The following TGIF1 variants were observed in gnomAD, a reference collection of about 807,000 sequenced individuals.
The protein encoded by TGIF1 is TGFB induced factor homeobox 1.
TGIF1 carries 4 observed loss-of-function variants against 19.3 expected under a neutral mutation model. That is an observed-to-expected ratio of 0.21 (90% CI 0.10 to 0.47). The LOEUF is 0.47. Ranked by LOEUF, TGIF1 falls within the 20% of genes least tolerant of loss-of-function variation. TGIF1 has a pLI of 0.98. For missense variants in TGIF1, 275 were observed against 341.4 expected (o/e 0.81, Z 1.53); for synonymous variants, 122 against 129.3 (o/e 0.94, Z 0.38).
At chr18:3,424,197 A>G (rs962704021) in intron 2 of TGIF1, among the ~76,000 whole-genome samples, 3 of 152,086 alleles carry the variant, frequency 2.0e-5, no homozygotes. Context: ...TGATTATTTT[A>G]TTATAAGTAA....
rs112985832 is a variant in TGIF1 at position 3,442,780 on chromosome 18, G to T, written c.-44-13574G>T. On this transcript the variant is annotated intron_variant, in intron 2 of 3. Transcript: ENST00000401449. ...TAATGTTATGAATAAGCAAGAAGAA[G>T]AAATAAAAATGACTAATACATACAC... 2.6e-3 allele frequency among the ~76,000 whole-genome samples: 401 copies of T among 152,052 alleles called. 4 individuals carry two copies. The highest frequency in any genetic ancestry group is 9.2e-3 in the African/African-American group (382 of 41,496).
At chr18:3,455,383 C>A (rs1223942242) in intron 1 of TGIF1, 1 of 152,028 alleles carries the variant, frequency 6.6e-6, no homozygotes, top group African/African-American at 2.4e-5. Flanking sequence ...TTCTCTATGG[C>A]TTGTGAATTC....
rs1309777320 is a variant in TGIF1 at position 3,451,512 on chromosome 18, CAG to C, written c.16+1009_16+1010del. 6 of 995,216 alleles carry C rather than the reference CAG, an allele frequency of 6.0e-6. No homozygotes were observed. The highest frequency in any genetic ancestry group is 5.2e-5 in the African/African-American group (3 of 57,650). The allele number at this position is 995,216 out of a possible 1,614,324, so 61.6% of individuals were successfully genotyped here. Reference sequence around the variant, plus strand: ...GTGATTTATGTGGAGTGGTTCAAAACAGAAGTTAATCACTCGGGAAGCGGACG... The same window carrying C: ...GTGATTTATGTGGAGTGGTTCAAAACAAGTTAATCACTCGGGAAGCGGACG... On this transcript the variant is annotated intron_variant, in intron 1 of 2. Coordinates refer to ENST00000343820, the MANE Select transcript of TGIF1 (RefSeq NM_003244.4). This position sits in a 1 kb window ranked among gnomAD's most constrained non-coding sequence, Gnocchi z 5.4.
chr18:3,423,740 A>C (rs2082436604), intron 2 of TGIF1, among the ~76,000 whole-genome samples: 2 of 152,024 alleles, frequency 1.3e-5, no homozygotes, highest in South Asian at 4.1e-4. Flanking sequence ...TTGCAATCCC[A>C]GCTACTCGGG....
intron 2 of TGIF1, among the ~76,000 whole-genome samples, chr18:3,428,250 C>T (rs1387460605): frequency 3.3e-5 from 5 of 152,084 alleles, no homozygotes; most frequent in African/African-American, 1.2e-4. Context: ...GAACTTGACC[C>T]TGAGTTCACA....
At position 3,456,647 on chromosome 18, in the gene TGIF1, G is replaced by T; in HGVS notation, c.243+67G>T. 7.1e-7 allele frequency: 1 copy of T among 1,401,086 alleles called. No homozygotes were observed. 86.8% of individuals were successfully genotyped at this position (1,401,086 alleles called of 1,614,324 possible). On this transcript the variant is annotated intron_variant, in intron 2 of 2. Coordinates refer to ENST00000343820, the MANE Select transcript of TGIF1 (RefSeq NM_003244.4). The surrounding 1 kb of genome is among the most constrained non-coding windows in gnomAD (Gnocchi z 4.2). ...TTCAAAGTCATTTTATGGCATTCCT[G>T]TGTGTCAAGTCATTAAGCTCCTTGC... is the stretch of plus-strand genomic sequence containing the variant.
chr18:3,425,869 A>G (rs2143161744), intron 2 of TGIF1, among the ~76,000 whole-genome samples: 1 of 152,268 alleles, frequency 6.6e-6, no homozygotes, highest in African/African-American at 2.4e-5. Context: ...CCCATCAGGC[A>G]GTTACGAGGA....
At chr18:3,446,500 C>A (rs1030291759), upstream of TGIF1, among the ~76,000 whole-genome samples, 1 of 152,044 alleles carries the variant, frequency 6.6e-6, no homozygotes, top group East Asian at 1.9e-4. Context: ...TTCGTTTTAT[C>A]CCCTGGATTC....
upstream of TGIF1, chr18:3,448,415 A>G (rs1037476701): frequency 1.0e-6 from 1 of 997,290 alleles, no homozygotes; most frequent in African/African-American, 1.7e-5. Flanking sequence ...TCTGTCCCGC[A>G]CCGGGCGCAG....
At chr18:3,450,699 G>T (rs1472086264) in intron 1 of TGIF1, among the ~76,000 whole-genome samples, 194 bp downstream of exon 1, 2 of 152,200 alleles carry the variant, frequency 1.3e-5, no homozygotes, top group East Asian at 1.9e-4. Flanking sequence ...AACACGAGGG[G>T]CTGTTGTGGG....
chr18:3,448,335 C>G (rs1175400716), upstream of TGIF1: 1 of 985,298 alleles, frequency 1.0e-6, no homozygotes, highest in African/African-American at 1.7e-5. Flanking sequence ...ACAGACAACC[C>G]TTCAAACGAA....
intron 1 of TGIF1, among the ~76,000 whole-genome samples, chr18:3,417,165 GTT>G (rs1338933325): frequency 1.3e-5 from 2 of 151,914 alleles, no homozygotes; most frequent in African/African-American, 4.8e-5. Flanking sequence ...GTTGTTCGTT[GTT>G]TGTTTGTTTT....
intron 2 of TGIF1, among the ~76,000 whole-genome samples, chr18:3,420,348 A>G (rs546010247): frequency 3.0e-4 from 46 of 152,148 alleles, no homozygotes; most frequent in African/African-American, 1.1e-3. Flanking sequence ...GCGCCACTGC[A>G]CTCCAGCCTG....
At chr18:3,455,024 A>G (rs1259759799) in intron 1 of TGIF1, 1 of 152,226 alleles carries the variant, frequency 6.6e-6, no homozygotes, top group South Asian at 2.1e-4. Flanking sequence ...ATTAAGGTCA[A>G]GTCATATTTT....
At chr18:3,413,575 T>A (rs1373131661) in intron 1 of TGIF1, among the ~76,000 whole-genome samples, 1 of 146,562 alleles carries the variant, frequency 6.8e-6, no homozygotes, top group Non-Finnish European at 1.5e-5. Flanking sequence ...GAGAATTTTA[T>A]AAGGTTTTTT....
chr18:3,425,607 C>A (rs781118175), intron 2 of TGIF1, among the ~76,000 whole-genome samples: 9 of 152,130 alleles, frequency 5.9e-5, no homozygotes, highest in Non-Finnish European at 1.3e-4. Flanking sequence ...TGGTGGGCCC[C>A]ACCCAGAAGC....
At chr18:3,444,038 G>A (rs1175190729) in intron 2 of TGIF1, among the ~76,000 whole-genome samples, 1 of 150,784 alleles carries the variant, frequency 6.6e-6, no homozygotes, top group African/African-American at 2.4e-5. Context: ...GGGTTCAAAC[G>A]ATTCTCCTGC....
intron 1 of TGIF1, among the ~76,000 whole-genome samples, chr18:3,413,902 A>G (rs1304961964): frequency 6.6e-6 from 1 of 152,228 alleles, no homozygotes; most frequent in Non-Finnish European, 1.5e-5. Context: ...CAGTTGCCAA[A>G]TGGCAGGCAC....
chr18:3,418,002 A>G (rs964284819), intron 1 of TGIF1: 1 of 152,042 alleles, frequency 6.6e-6, no homozygotes, highest in Non-Finnish European at 1.5e-5. Flanking sequence ...GATACAAAAA[A>G]TATAGGGCTT....
Sources: allele counts gnomAD v4.1 joint callset (sites outside exome capture counted in the v4.1 genomes callset), GRCh38; gene constraint gnomAD v4.1.1; non-coding constraint Gnocchi (gnomAD v3.1); transcripts MANE v1.5; gene names NCBI Gene and HGNC (gene_info 2026-07-23, HGNC 2026-07-21).